CNTN1: variants seen among roughly 807,000 people sequenced by gnomAD.
The protein encoded by CNTN1 is contactin 1, also known as contactin-1.
CNTN1 carries 38 observed loss-of-function variants against 126.4 expected under a neutral mutation model. The observed-to-expected ratio is 0.30, with a 90% confidence interval of 0.23 to 0.39. CNTN1 has a LOEUF of 0.39. Ranked by LOEUF, CNTN1 falls within the 10% of genes least tolerant of loss-of-function variation. CNTN1 has a pLI of 1.00. For synonymous variants in CNTN1, 413 were observed against 422.6 expected (o/e 0.98, Z 0.28); for missense variants, 1,009 against 1,248.4 (o/e 0.81, Z 2.89).
At chr12:41,014,168 G>GA (rs1200923381) in intron 17 of CNTN1, 60 bp from the exon 18 acceptor site, 27 of 1,521,306 alleles carry the variant, frequency 1.8e-5, no homozygotes, top group Non-Finnish European at 1.9e-5. Flanking sequence ...CTAACACCAG[G>GA]AAAAAAATGC....
chr12:40,942,989 G>A (rs1946308752), intron 12 of CNTN1, among the ~76,000 whole-genome samples: 1 of 151,928 alleles, frequency 6.6e-6, no homozygotes, highest in Non-Finnish European at 1.5e-5. Flanking sequence ...CCAATGACAG[G>A]CAATTCAATA....
chr12:41,071,983 T>C lies in CNTN1; in HGVS notation c.*1948T>C, dbSNP rs1950166635. 6.6e-6 allele frequency: 1 copy of C among 152,182 alleles called. No homozygotes were observed. The highest frequency in any genetic ancestry group is 1.5e-5 in the Non-Finnish European group (1 of 68,018). The allele number at this position is 152,182 out of a possible 1,614,324, so 9.4% of individuals were successfully genotyped here. On this transcript the variant is annotated 3_prime_UTR_variant, in exon 24 of 24. Coordinates refer to ENST00000551295, the MANE Select transcript of CNTN1 (RefSeq NM_001843.4). ...TAATAACGAGCAAAACTGGTTAGAT[T>C]TTGCATGAAATGGTTCTGAAAGGTA...
rs760250045 is a variant in CNTN1, at chr12:40,937,644, C to T, written c.1185C>T (p.Asn395=). 9.9e-6 allele frequency: 16 copies of T among 1,612,574 alleles called. 1 individual carries two copies. Among genetic ancestry groups the T allele is most frequent in the Non-Finnish European group, 1.4e-5 (16 of 1,178,878 alleles). Residue 395 remains asparagine (N), a synonymous_variant, in exon 11 of 24, where the codon AAC becomes AAT. Transcript: ENST00000551295. ...GAATGTATCAGTGCATAGCTGAAAA[C>T]ACATATGGAGCCATTTATGCAAATG... The part of the protein sequence containing the change: ...NAGMYQCIAE[N]TYGAIYANAE...
intron 1 of CNTN1, among the ~76,000 whole-genome samples, chr12:40,767,224 G>T (rs1368395511): frequency 6.6e-6 from 1 of 150,948 alleles, no homozygotes; most frequent in African/African-American, 2.4e-5. Flanking sequence ...GGGTCAAGGG[G>T]TCAATAATAC....
rs1165133053 is a variant in CNTN1 at position 40,836,068 on chromosome 12, GTATA to G, written c.-76-72284_-76-72281del. Among the ~76,000 whole-genome samples, 113 of 146,258 alleles carry G rather than the reference GTATA, an allele frequency of 7.7e-4. 1 individual carries two copies. The highest frequency in any genetic ancestry group is 2.8e-3 in the African/African-American group (110 of 39,732). On this transcript the variant is annotated intron_variant, in intron 1 of 23. Transcript: ENST00000551295. The stretch of plus-strand genomic sequence containing the variant: ...CATATATATGTATATGTATACAGGT[GTATA>G]TATACGTACATATACAGGTATATAT...
At chr12:40,978,936 C>T (rs11179286) in intron 15 of CNTN1, 1 of 152,086 alleles carries the variant, frequency 6.6e-6, no homozygotes, top group South Asian at 2.1e-4. Context: ...TTTTATTATT[C>T]ACCTCTAATT....
At chr12:40,789,929 C>T (rs1236651846) in intron 1 of CNTN1, among the ~76,000 whole-genome samples, 3 of 152,014 alleles carry the variant, frequency 2.0e-5, no homozygotes, top group Non-Finnish European at 4.4e-5. Context: ...AAGATTCTTA[C>T]TTTTTAGATT....
At chr12:40,916,564 G>T (rs1479547765) in intron 3 of CNTN1, among the ~76,000 whole-genome samples, 3 of 151,984 alleles carry the variant, frequency 2.0e-5, no homozygotes, top group Admixed American at 6.6e-5. Flanking sequence ...AAAATATCAG[G>T]CATCTTCAGT....
chr12:41,039,459 C>A (rs967741996), intron 23 of CNTN1, among the ~76,000 whole-genome samples: 22 of 152,054 alleles, frequency 1.4e-4, no homozygotes, highest in African/African-American at 5.3e-4. Flanking sequence ...ACAATCATCT[C>A]CTGAAACAAC....
intron 1 of CNTN1, among the ~76,000 whole-genome samples, chr12:40,707,495 G>C (rs533695009): frequency 6.6e-6 from 1 of 151,962 alleles, no homozygotes; most frequent in Admixed American, 6.5e-5. Context: ...CTCATGATCT[G>C]CCCGCCTCGG....
intron 9 of CNTN1, among the ~76,000 whole-genome samples, chr12:40,935,567 A>G (rs570587815): frequency 4.6e-5 from 7 of 152,240 alleles, no homozygotes; most frequent in Non-Finnish European, 7.4e-5. Context: ...TCATTACATG[A>G]TGTAATAGAA....
chr12:40,968,397 AT>A (rs894055855), intron 15 of CNTN1, among the ~76,000 whole-genome samples: 4 of 151,240 alleles, frequency 2.6e-5, no homozygotes, highest in Admixed American at 6.6e-5. Context: ...TATAGTAGTT[AT>A]TTTTTTTTCA....
chr12:40,932,238 T>TG (rs137985598), intron 7 of CNTN1, among the ~76,000 whole-genome samples: 2 of 152,042 alleles, frequency 1.3e-5, no homozygotes, highest in East Asian at 1.9e-4. Flanking sequence ...AATTGAATCA[T>TG]GGGGGGCTGT....
rs529723051 is a variant in CNTN1, at chr12:40,884,217, T to C, written c.-76-24140T>C. 1.3e-3 allele frequency among the ~76,000 whole-genome samples: 196 copies of C among 151,750 alleles called. 1 individual carries two copies. The highest frequency in any genetic ancestry group is 2.5e-3 in the Non-Finnish European group (172 of 67,594). ...TCTAAAATCTTATTTTATGTTCTTT[T>C]AATTACCCATTTTTTTCTTTTTCCT... On this transcript the variant is annotated intron_variant, in intron 1 of 23. Coordinates refer to ENST00000551295, the MANE Select transcript of CNTN1 (RefSeq NM_001843.4).
intron 1 of CNTN1, among the ~76,000 whole-genome samples, chr12:40,786,204 A>G (rs1163161021): frequency 3.3e-5 from 5 of 152,222 alleles, no homozygotes; most frequent in African/African-American, 9.6e-5. Flanking sequence ...TTCTGTGGTT[A>G]TAGGACTGAG....
chr12:41,052,844 T>G (rs1027729952), intron 23 of CNTN1, among the ~76,000 whole-genome samples: 3 of 151,952 alleles, frequency 2.0e-5, no homozygotes, highest in African/African-American at 7.2e-5. Context: ...AGTATATGCT[T>G]TATAATTAAA....
intron 3 of CNTN1, among the ~76,000 whole-genome samples, chr12:40,910,858 T>C (rs1739101239): frequency 7.0e-6 from 1 of 143,712 alleles, no homozygotes; most frequent in African/African-American, 2.5e-5. Context: ...CAAAAGCCAT[T>C]GCATGATGGT....
At chr12:40,856,659 G>T (rs927776667) in intron 1 of CNTN1, among the ~76,000 whole-genome samples, 1 of 152,112 alleles carries the variant, frequency 6.6e-6, no homozygotes, top group Non-Finnish European at 1.5e-5. Context: ...CTCTGGGCAA[G>T]ATAAACTAAA....
chr12:40,922,652 G>A lies in CNTN1; in HGVS notation c.400+224G>A, dbSNP rs138094155. 1.1e-4 allele frequency among the ~76,000 whole-genome samples: 16 copies of A among 152,184 alleles called. No homozygotes were observed. The East Asian group carries it at 2.3e-3, about 22-fold the overall frequency. On this transcript the variant is annotated intron_variant, in intron 5 of 23. Coordinates refer to ENST00000551295, the MANE Select transcript of CNTN1 (RefSeq NM_001843.4). Reference sequence around the variant, plus strand: ...TGTTGTCAAATAAAGGAAGGCCAGCGTCTGAGGATCTTGAATGACTCTTTA... The same window carrying A: ...TGTTGTCAAATAAAGGAAGGCCAGCATCTGAGGATCTTGAATGACTCTTTA...
Sources: gnomAD v4.1 joint callset for allele counts (sites outside exome capture counted in the v4.1 genomes callset) on GRCh38, gnomAD v4.1.1 for gene constraint, MANE v1.5 for transcripts, NCBI Gene and HGNC (gene_info 2026-07-23, HGNC 2026-07-21) for gene names.